The following ADGRL2 variants were observed in gnomAD, a reference collection of about 807,000 sequenced individuals.
ADGRL2 encodes the protein adhesion G protein-coupled receptor L2, also known as calcium-independent alpha-latrotoxin receptor 2.
Under a neutral mutation model 157.4 loss-of-function variants are expected in ADGRL2, and 44 were observed. That is an observed-to-expected ratio of 0.28 (90% CI 0.22 to 0.36). The LOEUF (loss-of-function observed/expected upper bound fraction) is 0.36. ADGRL2 is among the 10% of genes least tolerant of loss of function. The pLI is 1.00. For missense variants in ADGRL2, 1,510 were observed against 1,768.9 expected (o/e 0.85, Z 2.63); for synonymous variants, 585 against 624.7 (o/e 0.94, Z 0.95).
At chr1:81,356,134 G>A (rs749156834) in intron 1 of ADGRL2, among the ~76,000 whole-genome samples, 56 of 152,212 alleles carry the variant, frequency 3.7e-4, no homozygotes, top group Non-Finnish European at 6.2e-4. Flanking sequence ...ATTCTCAAAT[G>A]TTACTCTCAC....
intron 3 of ADGRL2, among the ~76,000 whole-genome samples, chr1:81,593,874 G>A (rs1021762709): frequency 6.6e-6 from 1 of 152,132 alleles, no homozygotes; most frequent in Admixed American, 6.6e-5. Flanking sequence ...CCAATTTTTT[G>A]TAAGGTAAAA....
chr1:81,702,814 G>T (rs1041999371), intron 1 of ADGRL2, among the ~76,000 whole-genome samples: 4 of 152,144 alleles, frequency 2.6e-5, no homozygotes, highest in Non-Finnish European at 5.9e-5. Context: ...TTCTAATGGG[G>T]TTATGGTAAT....
intron 2 of ADGRL2, among the ~76,000 whole-genome samples, chr1:81,536,568 A>G (rs2079742898): frequency 6.6e-6 from 1 of 151,770 alleles, no homozygotes; most frequent in African/African-American, 2.4e-5. Context: ...ATTTGCTTTG[A>G]CTCTCAGAAA....
At chr1:81,342,826 T>C (rs557337162) in intron 1 of ADGRL2, among the ~76,000 whole-genome samples, 3 of 152,218 alleles carry the variant, frequency 2.0e-5, no homozygotes, top group African/African-American at 7.2e-5. Flanking sequence ...ACAGAGCTAA[T>C]AGGTTGGGGA....
At chr1:81,354,917 A>G (rs866343719) in intron 1 of ADGRL2, among the ~76,000 whole-genome samples, 1 of 152,186 alleles carries the variant, frequency 6.6e-6, no homozygotes, top group Non-Finnish European at 1.5e-5. Context: ...CACAAATACA[A>G]CGTTCTGCCC....
At chr1:81,718,713 C>G (rs561115904) in intron 1 of ADGRL2, among the ~76,000 whole-genome samples, 18 of 152,340 alleles carry the variant, frequency 1.2e-4, no homozygotes, top group African/African-American at 4.3e-4. Flanking sequence ...ATCCAATCTT[C>G]CCCAAAGCAG....
At chr1:81,874,503 C>T (rs1038917455) in intron 2 of ADGRL2, among the ~76,000 whole-genome samples, 1 of 152,018 alleles carries the variant, frequency 6.6e-6, no homozygotes, top group Non-Finnish European at 1.5e-5. Context: ...AACTTAAAAC[C>T]AAGATAAAGC....
intron 3 of ADGRL2, among the ~76,000 whole-genome samples, chr1:81,676,300 C>T (rs542423466): frequency 8.6e-5 from 13 of 151,872 alleles, no homozygotes; most frequent in African/African-American, 2.4e-4. Flanking sequence ...AGAGCCACCG[C>T]GCCCGGCCTG....
intron 1 of ADGRL2, among the ~76,000 whole-genome samples, chr1:81,423,826 T>C (rs1037032920): frequency 6.6e-6 from 1 of 152,180 alleles, no homozygotes; most frequent in Non-Finnish European, 1.5e-5. Context: ...ATGTCATTAC[T>C]GAAGCAAAGG....
chr1:81,621,519 A>G (rs551253277), intron 3 of ADGRL2, among the ~76,000 whole-genome samples: 1 of 152,342 alleles, frequency 6.6e-6, no homozygotes, highest in South Asian at 2.1e-4. Context: ...CTAAGGCCTC[A>G]GGGCATCCTT....
chr1:81,359,220 T>C (rs768273644), intron 1 of ADGRL2, among the ~76,000 whole-genome samples: 3 of 152,096 alleles, frequency 2.0e-5, no homozygotes, highest in Non-Finnish European at 4.4e-5. Flanking sequence ...GCCTTAAAAA[T>C]GACTGTGTTA....
intron 3 of ADGRL2, among the ~76,000 whole-genome samples, chr1:81,616,678 T>TCTTTTC (rs2081658730): frequency 7.4e-6 from 1 of 134,536 alleles, no homozygotes; most frequent in Non-Finnish European, 1.6e-5. Context: ...TCTTTTCTTT[T>TCTTTTC]CTTTTTTTTT....
chr1:81,949,072 G>A (rs1212384821), intron 6 of ADGRL2, among the ~76,000 whole-genome samples: 2 of 151,790 alleles, frequency 1.3e-5, no homozygotes, highest in African/African-American at 2.4e-5. Context: ...TAGATAAAGT[G>A]TAAAATAAGT....
intron 3 of ADGRL2, among the ~76,000 whole-genome samples, chr1:81,642,403 G>A (rs12028645): frequency 0.29 from 43,605 of 149,516 alleles, 6,419 homozygotes; most frequent in East Asian, 0.32. Flanking sequence ...CTGAGTGACA[G>A]AGCAAGACTC....
chr1:81,609,623 T>C (rs929974538), intron 3 of ADGRL2, among the ~76,000 whole-genome samples: 1 of 152,304 alleles, frequency 6.6e-6, no homozygotes, highest in African/African-American at 2.4e-5. Flanking sequence ...CACCTCTCTG[T>C]CCTTTTAGGT....
intron 2 of ADGRL2, among the ~76,000 whole-genome samples, chr1:81,486,554 C>A (rs532685199): frequency 2.5e-4 from 38 of 151,728 alleles, no homozygotes; most frequent in Non-Finnish European, 2.5e-4. Flanking sequence ...TGAAAAAAAA[C>A]AACTGTATAG....
rs916229335 is a variant in ADGRL2, at chr1:81,578,062, G to A, written c.-247-2814G>A. 2.0e-5 allele frequency among the ~76,000 whole-genome samples: 3 copies of A among 152,028 alleles called. No individual in the cohort carries two copies. The East Asian group carries it at 5.8e-4, about 29-fold the overall frequency. On this transcript the variant is annotated intron_variant, in intron 2 of 24. Transcript: ENST00000370721. Reference sequence around the variant, plus strand: ...TCATTTCAAGAAATAAATGACACAGGGTATTATATTTTAAGCACCATTAAA... The same window carrying A: ...TCATTTCAAGAAATAAATGACACAGAGTATTATATTTTAAGCACCATTAAA...
chr1:81,354,177 C>G (rs1246162802), intron 1 of ADGRL2, among the ~76,000 whole-genome samples: 1 of 152,152 alleles, frequency 6.6e-6, no homozygotes, highest in Non-Finnish European at 1.5e-5. Flanking sequence ...ATATATGCAT[C>G]ATTTTATTTA....
At chr1:81,844,512 C>A (rs2092713227) in intron 2 of ADGRL2, among the ~76,000 whole-genome samples, 2 of 152,214 alleles carry the variant, frequency 1.3e-5, no homozygotes, top group Non-Finnish European at 2.9e-5. Context: ...ACTGATTTAT[C>A]TGCCATATTA....
Sources: gnomAD v4.1 joint callset for allele counts (sites outside exome capture counted in the v4.1 genomes callset) on GRCh38, gnomAD v4.1.1 for gene constraint, MANE v1.5 for transcripts, NCBI Gene and HGNC (gene_info 2026-07-23, HGNC 2026-07-21) for gene names.